KCNT2: variants seen among roughly 807,000 people sequenced by gnomAD.
KCNT2 encodes potassium channel subfamily T member 2.
A neutral mutation model predicts 153.8 loss-of-function variants in KCNT2; 67 were observed. The ratio of observed to expected loss-of-function variants is 0.44; its 90% CI spans 0.36 to 0.53. KCNT2 has a LOEUF of 0.53. KCNT2 is among the 20% of genes least tolerant of loss of function. The probability of loss-of-function intolerance (pLI) is 0.00; values close to 1 mark genes in which losing one functional copy is unlikely to be tolerated. For missense variants in KCNT2, 975 were observed against 1,354.8 expected, an observed-to-expected ratio of 0.72 and a Z score of 4.40; for synonymous variants, 500 against 458.8, an observed-to-expected ratio of 1.09 and a Z score of -1.15.
intron 1 of KCNT2, among the ~76,000 whole-genome samples, chr1:196,492,932 A>AAGGTTACC (rs1392677755): frequency 1.3e-5 from 2 of 152,190 alleles, no homozygotes; most frequent in Non-Finnish European, 2.9e-5. Context: ...TAGAACTGTT[A>AAGGTTACC]AGGTTACCAC....
intron 14 of KCNT2, among the ~76,000 whole-genome samples, chr1:196,346,044 C>G (rs998711509): frequency 6.6e-6 from 1 of 151,940 alleles, no homozygotes. Flanking sequence ...TTTTTTAAAT[C>G]TGGAATACTA....
chr1:196,351,583 A>G (rs1172601499), intron 14 of KCNT2, among the ~76,000 whole-genome samples: 1 of 152,026 alleles, frequency 6.6e-6, no homozygotes, highest in Non-Finnish European at 1.5e-5. Flanking sequence ...GAAGTTGCTT[A>G]TCAGCTTAAG....
At chr1:196,246,042 A>G (rs996483280) in intron 26 of KCNT2, among the ~76,000 whole-genome samples, 8 of 152,168 alleles carry the variant, frequency 5.3e-5, no homozygotes, top group African/African-American at 9.6e-5. Flanking sequence ...ACTTTAAGAC[A>G]TTTAATAATC....
chr1:196,319,594 A>C, intron 19 of KCNT2, 39 bp from the exon 20 acceptor site: 5 of 1,357,228 alleles, frequency 3.7e-6, no homozygotes, highest in Non-Finnish European at 5.2e-6. Flanking sequence ...ACACAATGTC[A>C]CAACAGTGGC....
intron 26 of KCNT2, among the ~76,000 whole-genome samples, chr1:196,244,468 C>T (rs1001234153): frequency 1.3e-5 from 2 of 152,066 alleles, no homozygotes; most frequent in African/African-American, 4.8e-5. Flanking sequence ...GGGGTGCCTA[C>T]TGTCCTGAGG....
rs904347696 is a variant in KCNT2 at position 196,587,407 on chromosome 1, A to C, written c.95+20808T>G. 5.9e-5 allele frequency among the ~76,000 whole-genome samples: 9 copies of C among 152,066 alleles called. No individual in the cohort carries two copies. The East Asian group carries it at 1.7e-3, about 29-fold the overall frequency. On this transcript the variant is annotated intron_variant, in intron 1 of 27. Coordinates refer to ENST00000294725, the MANE Select transcript of KCNT2 (RefSeq NM_198503.5). ...CCAAACTCATCAGAAAGAGTTGGTTAAGATTTTATACCCTCAACAGCTCTA... is the reference window on the plus strand; with the variant it reads ...CCAAACTCATCAGAAAGAGTTGGTTCAGATTTTATACCCTCAACAGCTCTA...
chr1:196,292,019 G>A (rs1260978524), intron 22 of KCNT2, among the ~76,000 whole-genome samples: 1 of 152,112 alleles, frequency 6.6e-6, no homozygotes, highest in African/African-American at 2.4e-5. Flanking sequence ...TTTTAAATGT[G>A]TCTTAAAAAA....
At chr1:196,280,383 G>A (rs1015495161) in intron 25 of KCNT2, among the ~76,000 whole-genome samples, 1 of 152,074 alleles carries the variant, frequency 6.6e-6, no homozygotes, top group Non-Finnish European at 1.5e-5. Context: ...TTTTCTTTTG[G>A]CTTTAGAGTG....
At chr1:196,281,740 C>T (rs995930455) in intron 24 of KCNT2, among the ~76,000 whole-genome samples, 3 of 148,090 alleles carry the variant, frequency 2.0e-5, no homozygotes, top group African/African-American at 4.9e-5. Context: ...TGCCAGTTAA[C>T]AAAAAAAAAT....
At chr1:196,282,483 C>A in intron 23 of KCNT2, 127 bp from the exon 24 acceptor site, 1 of 541,150 alleles carries the variant, frequency 1.8e-6, no homozygotes, top group African/African-American at 1.9e-5. Flanking sequence ...ACATTTTTAA[C>A]CCTCCATACA....
chr1:196,343,818 C>T (rs182979538), intron 14 of KCNT2, among the ~76,000 whole-genome samples: 135 of 152,116 alleles, frequency 8.9e-4, no homozygotes, highest in African/African-American at 3.2e-3. Flanking sequence ...CTTGCTTTGT[C>T]GCCCAGGCTG....
At chr1:196,473,113 A>G (rs1678240768) in intron 5 of KCNT2, among the ~76,000 whole-genome samples, 1 of 152,210 alleles carries the variant, frequency 6.6e-6, no homozygotes, top group Non-Finnish European at 1.5e-5. Context: ...ACTTTTGCAT[A>G]TAACTCTTAA....
intron 8 of KCNT2, among the ~76,000 whole-genome samples, chr1:196,447,597 G>C (rs1407077445): frequency 6.6e-6 from 1 of 151,594 alleles, no homozygotes; most frequent in Non-Finnish European, 1.5e-5. Context: ...AGTAGTGACA[G>C]TGCAGAGCTG....
intron 22 of KCNT2, among the ~76,000 whole-genome samples, chr1:196,291,681 A>T (rs1571928875): frequency 6.6e-6 from 1 of 152,132 alleles, no homozygotes; most frequent in African/African-American, 2.4e-5. Flanking sequence ...TCCAAATCTG[A>T]ACTACAGAGG....
At chr1:196,468,232 A>G (rs1207835467) in intron 6 of KCNT2, among the ~76,000 whole-genome samples, 1 of 152,092 alleles carries the variant, frequency 6.6e-6, no homozygotes, top group African/African-American at 2.4e-5. Context: ...TTAGAATTAT[A>G]TTTAGTTAAC....
At chr1:196,275,127 T>C (rs921636203) in intron 25 of KCNT2, among the ~76,000 whole-genome samples, 17 of 152,002 alleles carry the variant, frequency 1.1e-4, no homozygotes, top group African/African-American at 3.6e-4. Context: ...TCAGGGAGCC[T>C]TTTGACATTT....
chr1:196,399,535 A>T (rs1671236983), intron 12 of KCNT2, among the ~76,000 whole-genome samples: 1 of 151,788 alleles, frequency 6.6e-6, no homozygotes, highest in Non-Finnish European at 1.5e-5. Flanking sequence ...GAGGTATAGA[A>T]ATTTTTCACC....
chr1:196,240,573 A>T (rs2102254840), intron 26 of KCNT2, among the ~76,000 whole-genome samples: 1 of 152,196 alleles, frequency 6.6e-6, no homozygotes, highest in East Asian at 1.9e-4. Context: ...GCATGCATAA[A>T]TAGAGAAAGC....
At chr1:196,569,539 G>A (rs1572858033) in intron 1 of KCNT2, among the ~76,000 whole-genome samples, 1 of 152,134 alleles carries the variant, frequency 6.6e-6, no homozygotes, top group East Asian at 1.9e-4. Context: ...CATTTCATTT[G>A]TTTCAGTCTC....
Sources: gnomAD v4.1 joint callset for allele counts (sites outside exome capture counted in the v4.1 genomes callset) on GRCh38, gnomAD v4.1.1 for gene constraint, MANE v1.5 for transcripts, NCBI Gene and HGNC (gene_info 2026-07-23, HGNC 2026-07-21) for gene names.